CAND2: variants seen among roughly 807,000 people sequenced by gnomAD.
CAND2 encodes cullin-associated NEDD8-dissociated protein 2.
Under a neutral mutation model 98.9 loss-of-function variants are expected in CAND2, and 62 were observed. The observed-to-expected ratio is 0.63, with a 90% CI of 0.51 to 0.77. The LOEUF (loss-of-function observed/expected upper bound fraction) is 0.77. Ranked by LOEUF, CAND2 falls within the 30% of genes least tolerant of loss-of-function variation. CAND2 has a pLI of 0.00. For synonymous variants in CAND2, 770 were observed against 731.9 expected (o/e 1.05, Z -0.84); for missense variants, 1,501 against 1,655.2 (o/e 0.91, Z 1.62).
chr3:12,812,984 C>T lies in CAND2; in HGVS notation c.758-6C>T, dbSNP rs1175648111. The T allele has an allele frequency of 1.3e-6, 2 of 1,557,914 alleles. No homozygotes were observed. The highest frequency in any genetic ancestry group is 1.7e-6 in the Non-Finnish European group (2 of 1,149,118). On this transcript the variant is annotated splice_polypyrimidine_tract_variant and splice_region_variant and intron_variant, in intron 5 of 14. Transcript: ENST00000456430. ...CTTGGGTTCAGTGATCCACCTGGCC[C>T]TGCAGGGGCTCACCTGGACCGCCTG...
rs1343649554 is a variant in CAND2, at chr3:12,810,134, G to A, written c.567G>A (p.Leu189=). 1.2e-5 allele frequency: 18 copies of A among 1,522,704 alleles called. No homozygotes were observed. The highest frequency in any genetic ancestry group is 1.5e-5 in the Non-Finnish European group (17 of 1,140,726). The allele number at this position is 1,522,704 out of a possible 1,614,324, so 94.3% of individuals were successfully genotyped here. A position where few individuals can be genotyped will look rare whatever the true frequency, so the allele number is the denominator to read the frequency against. ...CLLPQLSSPR[L]AVRKRAVGAL... ...TGCCACAGCTGAGCAGCCCGCGCCT[G>A]GCGGTGCGCAAGCGGGCGGTCGGAG... Residue 189 remains leucine, a synonymous_variant, in exon 5 of 15, where the codon CTG becomes CTA. Coordinates refer to ENST00000456430, the MANE Select transcript of CAND2 (RefSeq NM_001162499.2).
In CAND2 at chr3:12,811,560, C is replaced by G. The variant is rs146212241; in HGVS notation, c.757+1236C>G. 1.3e-3 allele frequency among the ~76,000 whole-genome samples: 192 copies of G among 152,276 alleles called. 2 individuals are homozygous for G. In the East Asian group the frequency reaches 0.031, roughly 24 times the overall value. On this transcript the variant is annotated intron_variant, in intron 5 of 14. Transcript: ENST00000456430. ...TTATCGAGTGCCTGCTCGTGTAGAA[C>G]CTGGACTAAGCTTTTTTATTTATTT...
intron 2 of CAND2, among the ~76,000 whole-genome samples, chr3:12,806,003 T>C (rs576913407): frequency 3.3e-5 from 5 of 152,210 alleles, no homozygotes; most frequent in Admixed American, 2.6e-4. Flanking sequence ...ACTCCATGAT[T>C]ACGTAGATAG....
At chr3:12,798,451 T>C (rs934200964) in intron 1 of CAND2, among the ~76,000 whole-genome samples, 1 of 152,156 alleles carries the variant, frequency 6.6e-6, no homozygotes, top group Non-Finnish European at 1.5e-5. Context: ...CCCCAACACC[T>C]GTGCTGAGTA....
rs34041335 is a variant in CAND2 at position 12,802,988 on chromosome 3, C to CTT, written c.69-483_69-482dup. On this transcript the variant is annotated intron_variant, in intron 1 of 14. Coordinates refer to ENST00000456430, the MANE Select transcript of CAND2 (RefSeq NM_001162499.2). ...CTGTATAGGGCAGCTCCATTAAAAT[C>CTT]TTTTTTTTTTTTTTTTTTGGAGACG... 5.0e-3 allele frequency among the ~76,000 whole-genome samples: 633 copies of CTT among 127,268 alleles called. 7 individuals are homozygous for CTT. The highest frequency in any genetic ancestry group is 7.3e-3 in the Non-Finnish European group (453 of 61,916). 83.5% of individuals were successfully genotyped at this position (127,268 alleles called of 152,430 possible). A position where few individuals can be genotyped will look rare whatever the true frequency, so the allele number is the denominator to read the frequency against.
In CAND2 at chr3:12,825,634, C is replaced by A. The variant is rs773542834; in HGVS notation, c.3205C>A (p.Arg1069=). Residue 1069 remains arginine, a synonymous_variant, in exon 12 of 15, where the codon CGA becomes AGA. Coordinates refer to ENST00000456430, the MANE Select transcript of CAND2 (RefSeq NM_001162499.2). The part of the protein sequence containing the change: ...QETKIRRDLI[R]EVEMGPFKHT... ...GACAAAGATCCGGCGGGACCTCATC[C>A]GAGAGGTGTGGAGCAGAGCTGGGGA... 7 of 1,588,606 alleles carry A rather than the reference C, an allele frequency of 4.4e-6. No homozygotes were observed. Among genetic ancestry groups the A allele is most frequent in the African/African-American group, 1.3e-5 (1 of 74,608 alleles).
At chr3:12,808,706 A>G (rs993994593) in intron 4 of CAND2, among the ~76,000 whole-genome samples, 3 of 152,142 alleles carry the variant, frequency 2.0e-5, no homozygotes, top group Non-Finnish European at 2.9e-5. Flanking sequence ...AGCTCAGAGG[A>G]GCCCCCAGTC....
Position 12,810,154 on chromosome 3 carries a change from T to C in CAND2, c.587T>C (p.Val196Ala). The C allele has an allele frequency of 6.6e-7, 1 of 1,525,668 alleles. No individual in the cohort carries two copies. The highest frequency in any genetic ancestry group is 8.8e-7 in the Non-Finnish European group (1 of 1,142,018). 94.5% of individuals were successfully genotyped at this position (1,525,668 alleles called of 1,614,324 possible). ...SPRLAVRKRA[V>A]GALGHLAAAC... Reference sequence around the variant, plus strand: ...CGCCTGGCGGTGCGCAAGCGGGCGGTCGGAGCGCTTGGCCACCTGGCGGCC... The same window carrying C: ...CGCCTGGCGGTGCGCAAGCGGGCGGCCGGAGCGCTTGGCCACCTGGCGGCC... The change falls in exon 5 of 15, where the codon GTC becomes GCC. Residue 196 changes from valine to alanine, a missense_variant. Val to Ala is a moderately conservative substitution (Grantham distance 64). Transcript: ENST00000456430.
intron 1 of CAND2, among the ~76,000 whole-genome samples, chr3:12,797,280 A>G (rs2061733805): frequency 1.3e-5 from 2 of 150,414 alleles, no homozygotes; most frequent in South Asian, 4.3e-4. Flanking sequence ...CCTTCCCGGG[A>G]CCGCAACCCC....
chr3:12,817,088 C>T lies in CAND2; in HGVS notation c.2156C>T (p.Ala719Val). 3 of 1,612,900 alleles carry T rather than the reference C, an allele frequency of 1.9e-6. No individual in the cohort carries two copies. The highest frequency in any genetic ancestry group is 1.1e-5 in the South Asian group (1 of 91,082). Residue 719 changes from alanine to valine, a missense_variant, in exon 10 of 15, where the codon GCC (alanine) becomes GTC (valine). Ala to Val is a moderately conservative substitution (Grantham distance 64). Coordinates refer to ENST00000456430, the MANE Select transcript of CAND2 (RefSeq NM_001162499.2). ...HVAQLAVDFL[A>V]TVTQAQPASL... ...GCCCAGCTGGCTGTGGACTTCCTTG[C>T]CACAGTGACCCAGGCCCAGCCAGCC...
intron 11 of CAND2, among the ~76,000 whole-genome samples, chr3:12,821,501 G>A (rs957344614): frequency 6.6e-6 from 1 of 152,198 alleles, no homozygotes; most frequent in African/African-American, 2.4e-5. Context: ...CTGCACTGGA[G>A]AACACGTGCA....
Position 12,816,681 on chromosome 3 carries a change from G to A in CAND2, c.1749G>A (p.Leu583=), listed in dbSNP as rs755380982. 2 of 1,613,774 alleles carry A rather than the reference G, an allele frequency of 1.2e-6. No homozygotes were observed. The highest frequency in any genetic ancestry group is 1.7e-6 in the Non-Finnish European group (2 of 1,180,046). The change falls in exon 10 of 15, where the codon CTG becomes CTA. Residue 583 remains leucine (L), a synonymous_variant. Coordinates refer to ENST00000456430, the MANE Select transcript of CAND2 (RefSeq NM_001162499.2). ...TGGCGCGACTTCGTGCCACTGACCTGGACCAGGAGGTGAAGGAGCGGGCCA... is the reference window on the plus strand; with the variant it reads ...TGGCGCGACTTCGTGCCACTGACCTAGACCAGGAGGTGAAGGAGCGGGCCA... ...VTLARLRATD[L]DQEVKERAIS... is the part of the protein sequence containing the mutation.
rs115723891 is a variant in CAND2 at position 12,828,279 on chromosome 3, C to T, written c.3375+675C>T. Among the ~76,000 whole-genome samples, 317 of 149,854 alleles carry T rather than the reference C, an allele frequency of 2.1e-3. 4 individuals are homozygous for T. Among genetic ancestry groups the T allele is most frequent in the African/African-American group, 7.1e-3 (287 of 40,662 alleles). ...TATGATAGAAATCATTTAATTGTGG[C>T]GAAATATTAATAATACAAGTTACTA... On this transcript the variant is annotated intron_variant, in intron 13 of 14. Transcript: ENST00000456430.
At chr3:12,810,732 C>CA (rs1559550543) in intron 5 of CAND2, among the ~76,000 whole-genome samples, 1 of 152,230 alleles carries the variant, frequency 6.6e-6, no homozygotes, top group East Asian at 1.9e-4. Context: ...CCCAGTTTGA[C>CA]AAAGATATCT....
At position 12,815,053 on chromosome 3, in the gene CAND2, G is replaced by GCT; in HGVS notation, c.1007-80_1007-79dup. On this transcript the variant is annotated intron_variant, in intron 7 of 14. Coordinates refer to ENST00000456430, the MANE Select transcript of CAND2 (RefSeq NM_001162499.2). This position sits in a 1 kb window ranked among gnomAD's most constrained non-coding sequence, Gnocchi z 5.7. ...ATCAAAAAGTGAAGCACAGTGCCCA[G>GCT]CTCTCTCTCCTCCCTGTCCCTTCTC... is the stretch of plus-strand genomic sequence containing the variant. 1 of 1,359,858 alleles carries GCT rather than the reference G, an allele frequency of 7.4e-7. No homozygotes were observed. The highest frequency in any genetic ancestry group is 1.0e-6 in the Non-Finnish European group (1 of 982,302). 84.2% of individuals were successfully genotyped at this position (1,359,858 alleles called of 1,614,324 possible).
chr3:12,806,183 T>C (rs1348232161), intron 2 of CAND2, among the ~76,000 whole-genome samples: 1 of 152,038 alleles, frequency 6.6e-6, no homozygotes, highest in Non-Finnish European at 1.5e-5. Context: ...TAGCCAAGCA[T>C]GGTGGCTTGA....
In CAND2 at chr3:12,817,188, G is replaced by T; in HGVS notation, c.2256G>T (p.Gly752=). 2 of 1,613,360 alleles carry T rather than the reference G, an allele frequency of 1.2e-6. No homozygotes were observed. The highest frequency in any genetic ancestry group is 8.5e-7 in the Non-Finnish European group (1 of 1,180,016). ...TGCGTTCGCCCCTGTTGCCAGCCGG[G>T]GTTCTGGCAGCTGCTGAAGGCTTCC... ...RLLRSPLLPA[G]VLAAAEGFLQ... The change falls in exon 10 of 15, where the codon GGG becomes GGT. Residue 752 remains glycine, a synonymous_variant. Coordinates refer to ENST00000456430, the MANE Select transcript of CAND2 (RefSeq NM_001162499.2).
At chr3:12,796,889 C>T in intron 1 of CAND2, 101 bp downstream of exon 1, 1 of 917,930 alleles carries the variant, frequency 1.1e-6, no homozygotes. Context: ...CCATGCAGCC[C>T]CCTGCCTCTT....
chr3:12,820,141 C>T lies in CAND2; in HGVS notation c.3000C>T (p.Asp1000=), dbSNP rs1418790134. 1 of 1,614,180 alleles carries T rather than the reference C, an allele frequency of 6.2e-7. No individual in the cohort carries two copies. Among genetic ancestry groups the T allele is most frequent in the Non-Finnish European group, 8.5e-7 (1 of 1,180,014 alleles). The part of the protein sequence containing the change: ...VITAVKFLIS[D]QPHPIDPLLK... ...CAGCGGTCAAGTTCCTTATCTCGGA[C>T]CAGCCCCATCCCATTGACCCCCTCC... Residue 1000 remains aspartate (D), a synonymous_variant, in exon 11 of 15, where the codon GAC becomes GAT. Transcript: ENST00000456430.
Sources: allele counts gnomAD v4.1 joint callset (sites outside exome capture counted in the v4.1 genomes callset), GRCh38; gene constraint gnomAD v4.1.1; non-coding constraint Gnocchi (gnomAD v3.1); transcripts MANE v1.5; gene names NCBI Gene and HGNC (gene_info 2026-07-23, HGNC 2026-07-21).